Variants in FHIT observed in about 807,000 individuals in gnomAD.
The protein encoded by FHIT is bis(5'-adenosyl)-triphosphatase.
Under a neutral mutation model 17.9 loss-of-function variants are expected in FHIT, and 19 were observed. The ratio of observed to expected loss-of-function variants is 1.06; its 90% confidence interval spans 0.74 to 1.56. The LOEUF is 1.56. Ranked by LOEUF, FHIT falls within the 40% of genes most tolerant of loss-of-function variation. The pLI is 0.00. For synonymous variants in FHIT, 81 were observed against 69.7 expected, an observed-to-expected ratio of 1.16 and a Z score of -0.81; for missense variants, 248 against 189.2, an observed-to-expected ratio of 1.31 and a Z score of -1.82.
At chr3:60,861,874 C>G (rs1230667965) in intron 3 of FHIT, among the ~76,000 whole-genome samples, 1 of 148,088 alleles carries the variant, frequency 6.8e-6, no homozygotes, top group Non-Finnish European at 1.5e-5. Flanking sequence ...GGCGTGAACC[C>G]GTGAGGTGGA....
At chr3:60,728,849 C>T (rs764723704) in intron 4 of FHIT, among the ~76,000 whole-genome samples, 7 of 152,072 alleles carry the variant, frequency 4.6e-5, no homozygotes, top group Non-Finnish European at 1.0e-4. Context: ...ATTTAAATTA[C>T]TTATATAAAA....
At position 60,721,703 on chromosome 3, in the gene FHIT, C is replaced by T. The variant is rs115299826; in HGVS notation, c.-18+100216G>A. Among the ~76,000 whole-genome samples, 846 of 152,272 alleles carry T rather than the reference C, an allele frequency of 5.6e-3. 9 individuals carry two copies. The highest frequency in any genetic ancestry group is 0.019 in the African/African-American group (781 of 41,534). ...ATACACTGGCATAGTCCTCCCCGAA[C>T]TTCAGCCAAATGAGAATACACAGAT... On this transcript the variant is annotated intron_variant, in intron 4 of 9. Transcript: ENST00000492590.
intron 5 of FHIT, among the ~76,000 whole-genome samples, chr3:60,143,835 C>G (rs1379312083): frequency 6.6e-6 from 1 of 152,074 alleles, no homozygotes; most frequent in Non-Finnish European, 1.5e-5. Context: ...TGAAAGTACT[C>G]TGGAATACAG....
intron 5 of FHIT, among the ~76,000 whole-genome samples, chr3:60,347,675 T>TGGCGGG (rs1166550062): frequency 3.6e-5 from 1 of 27,706 alleles, no homozygotes; most frequent in Non-Finnish European, 8.5e-5. Context: ...ACCACTGGTT[T>TGGCGGG]GGGGGGGGGG....
chr3:61,055,935 C>T (rs7640076), intron 2 of FHIT, among the ~76,000 whole-genome samples: 8 of 152,042 alleles, frequency 5.3e-5, no homozygotes, highest in African/African-American at 1.4e-4. Context: ...CATCAGGGTA[C>T]GGTCTCCATC....
At chr3:60,105,805 C>T (rs556098727) in intron 5 of FHIT, among the ~76,000 whole-genome samples, 3 of 152,082 alleles carry the variant, frequency 2.0e-5, no homozygotes, top group East Asian at 1.9e-4. Context: ...ACTCTAAAAA[C>T]TTTCAAAATT....
At chr3:60,336,770 C>G (rs567859399) in intron 5 of FHIT, among the ~76,000 whole-genome samples, 1 of 151,762 alleles carries the variant, frequency 6.6e-6, no homozygotes, top group African/African-American at 2.4e-5. Context: ...TAATAACATA[C>G]AGTAAGTTAG....
At chr3:60,275,156 G>T (rs1707064392) in intron 5 of FHIT, among the ~76,000 whole-genome samples, 6 of 150,940 alleles carry the variant, frequency 4.0e-5, no homozygotes. Flanking sequence ...TTGGAACTAG[G>T]CATATTTTCA....
intron 5 of FHIT, among the ~76,000 whole-genome samples, chr3:60,099,781 G>C (rs1007391882): frequency 3.9e-5 from 6 of 152,112 alleles, no homozygotes; most frequent in Non-Finnish European, 7.3e-5. Context: ...CTCATGATAA[G>C]TTTATTGGGA....
At chr3:60,770,518 G>A (rs1700008718) in intron 4 of FHIT, among the ~76,000 whole-genome samples, 1 of 152,148 alleles carries the variant, frequency 6.6e-6, no homozygotes, top group Admixed American at 6.5e-5. Context: ...AGTGAGCAAT[G>A]AGGAAAAACA....
At chr3:61,171,208 T>C (rs952662750) in intron 2 of FHIT, among the ~76,000 whole-genome samples, 2 of 152,218 alleles carry the variant, frequency 1.3e-5, no homozygotes, top group African/African-American at 4.8e-5. Context: ...TGATCAGTGA[T>C]GTTGAGCTTT....
intron 2 of FHIT, among the ~76,000 whole-genome samples, chr3:61,168,064 A>C (rs996936936): frequency 2.6e-5 from 4 of 152,228 alleles, no homozygotes; most frequent in Non-Finnish European, 5.9e-5. Flanking sequence ...ATACCACCAC[A>C]AATTAAGAAT....
chr3:60,872,101 T>A (rs1704442549), intron 3 of FHIT, among the ~76,000 whole-genome samples: 1 of 152,126 alleles, frequency 6.6e-6, no homozygotes, highest in Non-Finnish European at 1.5e-5. Context: ...GAATTGCATG[T>A]TTTGCCTGCT....
At chr3:59,868,941 C>A (rs73839550) in intron 8 of FHIT, among the ~76,000 whole-genome samples, 1 of 152,162 alleles carries the variant, frequency 6.6e-6, no homozygotes, top group African/African-American at 2.4e-5. Context: ...TTGGGCCAAT[C>A]GCTGTGGCCA....
chr3:60,293,152 T>G (rs1708062806), intron 5 of FHIT, among the ~76,000 whole-genome samples: 1 of 152,108 alleles, frequency 6.6e-6, no homozygotes, highest in African/African-American at 2.4e-5. Flanking sequence ...TTTATAGTTA[T>G]TATTTCTTTC....
chr3:60,383,124 G>A (rs187112503), intron 5 of FHIT, among the ~76,000 whole-genome samples: 176 of 152,254 alleles, frequency 1.2e-3, no homozygotes, highest in Middle Eastern at 3.4e-3. Flanking sequence ...TGAAAACAGA[G>A]CGACAGAAAT....
rs776805881 is a variant in FHIT at position 60,131,139 on chromosome 3, C to T, written c.104-116987G>A. On this transcript the variant is annotated intron_variant, in intron 5 of 9. Coordinates refer to ENST00000492590, the MANE Select transcript of FHIT (RefSeq NM_002012.4). ...GTCATCCCTTGGATTGGTTTCAAGA[C>T]CCCTGCATATACAAAAATTAGCAGT... Among the ~76,000 whole-genome samples the T allele has an allele frequency of 9.7e-5, 14 of 143,858 alleles. 1 individual carries two copies. The East Asian group carries it at 1.2e-3, about 13-fold the overall frequency. 94.4% of individuals were successfully genotyped at this position (143,858 alleles called of 152,430 possible).
At chr3:60,589,197 C>A (rs782736066) in intron 4 of FHIT, among the ~76,000 whole-genome samples, 2 of 151,832 alleles carry the variant, frequency 1.3e-5, no homozygotes, top group Non-Finnish European at 2.9e-5. Context: ...AAAGTATAAC[C>A]CAATGTAAGC....
chr3:60,530,140 A>T (rs1457138116), intron 5 of FHIT, among the ~76,000 whole-genome samples: 2 of 152,290 alleles, frequency 1.3e-5, no homozygotes, highest in East Asian at 3.9e-4. Flanking sequence ...ACAGGTCAAG[A>T]TCAAGGAAAG....
Sources: allele counts gnomAD v4.1 joint callset (sites outside exome capture counted in the v4.1 genomes callset), GRCh38; gene constraint gnomAD v4.1.1; transcripts MANE v1.5; gene names NCBI Gene and HGNC (gene_info 2026-07-23, HGNC 2026-07-21).